Variants in ASPH observed in about 807,000 individuals in gnomAD.
ASPH encodes aspartate beta-hydroxylase, also known as aspartyl/asparaginyl beta-hydroxylase.
A neutral mutation model predicts 118.4 loss-of-function variants in ASPH; 100 were observed. That is an observed-to-expected ratio of 0.84 (90% CI 0.72 to 1.00). The LOEUF (loss-of-function observed/expected upper bound fraction) is 1.00. Ranked by LOEUF, ASPH falls within the 50% of genes least tolerant of loss-of-function variation. ASPH has a pLI of 0.00. For missense variants in ASPH, 920 were observed against 919.5 expected (o/e 1.00, Z -0.01); for synonymous variants, 315 against 325.6 (o/e 0.97, Z 0.35).
chr8:61,555,830 G>A (rs574255783), intron 19 of ASPH, 94 bp downstream of exon 19: 8 of 1,078,762 alleles, frequency 7.4e-6, no homozygotes, highest in African/African-American at 6.2e-5. Context: ...ATACTCAGCA[G>A]TGCATGCAAT....
intron 1 of ASPH, among the ~76,000 whole-genome samples, chr8:61,696,295 T>C (rs1833916187): frequency 6.6e-6 from 1 of 152,208 alleles, no homozygotes; most frequent in Admixed American, 6.5e-5. Flanking sequence ...GAAAGCTGCT[T>C]GCATTTTCAT....
intron 5 of ASPH, among the ~76,000 whole-genome samples, chr8:61,649,818 C>G (rs957332078): frequency 3.3e-5 from 5 of 152,312 alleles, no homozygotes; most frequent in East Asian, 1.9e-4. Flanking sequence ...ATGCTACAGA[C>G]AGAAGGCACA....
At chr8:61,545,536 T>C (rs919730745) in intron 21 of ASPH, among the ~76,000 whole-genome samples, 1 of 152,302 alleles carries the variant, frequency 6.6e-6, no homozygotes, top group Admixed American at 6.5e-5. Flanking sequence ...GAACATAGAA[T>C]AGAAAGAGTG....
intron 1 of ASPH, among the ~76,000 whole-genome samples, chr8:61,691,645 T>G (rs1009463103): frequency 6.6e-6 from 1 of 152,204 alleles, no homozygotes; most frequent in Non-Finnish European, 1.5e-5. Context: ...AGCAGGCAGC[T>G]TGGTATGCTT....
At chr8:61,519,199 A>G (rs575695941) in intron 22 of ASPH, among the ~76,000 whole-genome samples, 1 of 152,332 alleles carries the variant, frequency 6.6e-6, no homozygotes, top group Admixed American at 6.5e-5. Flanking sequence ...GCTTCCATGC[A>G]TATGTTGATA....
intron 21 of ASPH, among the ~76,000 whole-genome samples, chr8:61,530,962 T>C (rs754495989): frequency 6.6e-6 from 1 of 152,230 alleles, no homozygotes; most frequent in Non-Finnish European, 1.5e-5. Context: ...TTCTCCATCC[T>C]TGTAATACAG....
At chr8:61,707,625 T>C (rs151124573) in intron 1 of ASPH, among the ~76,000 whole-genome samples, 306 of 152,174 alleles carry the variant, frequency 2.0e-3, no homozygotes, top group African/African-American at 6.9e-3. Flanking sequence ...CATGTATGCA[T>C]GGGGAGAGAT....
At chr8:61,614,511 G>C (rs1011163423) in intron 14 of ASPH, among the ~76,000 whole-genome samples, 1 of 152,262 alleles carries the variant, frequency 6.6e-6, no homozygotes, top group East Asian at 1.9e-4. Context: ...CTTGAGTCAG[G>C]ATCTTGCTCT....
At chr8:61,602,563 C>T (rs751900107) in intron 14 of ASPH, among the ~76,000 whole-genome samples, 2 of 151,406 alleles carry the variant, frequency 1.3e-5, no homozygotes, top group Non-Finnish European at 2.9e-5. Flanking sequence ...GATGTCCATG[C>T]ATAACTTCTT....
intron 16 of ASPH, among the ~76,000 whole-genome samples, chr8:61,571,710 C>T (rs1018568715): frequency 6.6e-6 from 1 of 152,228 alleles, no homozygotes; most frequent in South Asian, 2.1e-4. Flanking sequence ...CTTTGGTACT[C>T]ACAATTAATA....
Position 61,643,558 on chromosome 8 carries a change from T to C in ASPH, c.710-125A>G, listed in dbSNP as rs1309598568. On this transcript the variant is annotated intron_variant, in intron 8 of 24. Transcript: ENST00000379454. ...GCCAGATAGATGTTTTCATTATCAT[T>C]TAATAAAATTTAAGCTGAATAACGT... is the stretch of plus-strand genomic sequence containing the variant. The C allele has an allele frequency of 3.3e-6, 3 of 919,292 alleles. No individual in the cohort carries two copies. The African/African-American group carries it at 5.0e-5, about 15-fold the overall frequency. 56.9% of individuals were successfully genotyped at this position (919,292 alleles called of 1,614,324 possible). A position where few individuals can be genotyped will look rare whatever the true frequency, so the allele number is the denominator to read the frequency against.
intron 21 of ASPH, among the ~76,000 whole-genome samples, chr8:61,541,894 T>C (rs1360215626): frequency 6.6e-6 from 1 of 152,154 alleles, no homozygotes; most frequent in Non-Finnish European, 1.5e-5. Flanking sequence ...AGAATTTTAA[T>C]AAAATACTTG....
chr8:61,545,258 A>T (rs1049684592), intron 21 of ASPH, among the ~76,000 whole-genome samples: 1 of 152,232 alleles, frequency 6.6e-6, no homozygotes, highest in African/African-American at 2.4e-5. Flanking sequence ...TCTCTTTTCC[A>T]TCATGTGAAG....
At chr8:61,672,179 T>C (rs180819525) in intron 3 of ASPH, among the ~76,000 whole-genome samples, 1 of 152,300 alleles carries the variant, frequency 6.6e-6, no homozygotes, top group East Asian at 1.9e-4. Context: ...GTAAAATGCA[T>C]GTCAGGACAC....
intron 24 of ASPH, chr8:61,517,273 C>A (rs998658428): frequency 7.2e-6 from 3 of 419,524 alleles, no homozygotes; most frequent in South Asian, 4.9e-5. Context: ...GAGAGAGAAA[C>A]AAGGCAGCTC....
At chr8:61,579,129 A>G in intron 15 of ASPH, 1 of 1,611,594 alleles carries the variant, frequency 6.2e-7, no homozygotes. Flanking sequence ...GTGGCGCACA[A>G]AGACTGAGAT....
chr8:61,505,850 C>G (rs74422465), intron 24 of ASPH, among the ~76,000 whole-genome samples: 1,586 of 152,230 alleles, frequency 0.01, 28 homozygotes, highest in African/African-American at 0.036. Flanking sequence ...CGGGGAAATA[C>G]GCTGACAAGA....
intron 22 of ASPH, among the ~76,000 whole-genome samples, chr8:61,519,708 T>A (rs1812266490): frequency 6.6e-6 from 1 of 152,090 alleles, no homozygotes; most frequent in South Asian, 2.1e-4. Context: ...GTCAGAGTGA[T>A]ACAGTATGAG....
In ASPH at chr8:61,526,068, T is replaced by C. The variant is rs145641679; in HGVS notation, c.1809A>G (p.Ala603=). 6 of 1,613,944 alleles carry C rather than the reference T, an allele frequency of 3.7e-6. No individual in the cohort carries two copies. The highest frequency in any genetic ancestry group is 1.1e-5 in the South Asian group (1 of 91,076). The change falls in exon 22 of 25, where the codon GCA becomes GCG. Residue 603 remains alanine (A), a synonymous_variant. Coordinates refer to ENST00000379454, the MANE Select transcript of ASPH (RefSeq NM_004318.4). ...NWKLIRDEGL[A]VMDKAKGLFL... is the part of the protein sequence containing the mutation. Reference sequence around the variant, plus strand: ...AGAGACCTTTGGCTTTATCCATCACTGCAAGGCCTTCATCTCGGATTAACT... The same window carrying C: ...AGAGACCTTTGGCTTTATCCATCACCGCAAGGCCTTCATCTCGGATTAACT...
Sources: gnomAD v4.1 joint callset for allele counts (sites outside exome capture counted in the v4.1 genomes callset) on GRCh38, gnomAD v4.1.1 for gene constraint, MANE v1.5 for transcripts, NCBI Gene and HGNC (gene_info 2026-07-23, HGNC 2026-07-21) for gene names.